Variants in SEZ6L observed in about 807,000 individuals in gnomAD.
SEZ6L encodes the protein seizure related 6 homolog like, also known as seizure 6-like protein.
In SEZ6L, 37 loss-of-function variants were observed where a neutral mutation model predicts 106.2. That is an observed-to-expected ratio of 0.35 (90% confidence interval 0.27 to 0.46). The LOEUF is 0.46. Among genes scored for constraint, SEZ6L ranks in the 20% least tolerant of loss-of-function variants. The pLI is 1.00. For synonymous variants in SEZ6L, 541 were observed against 570.4 expected (o/e 0.95, Z 0.73); for missense variants, 1,172 against 1,332.8 (o/e 0.88, Z 1.88).
intron 1 of SEZ6L, among the ~76,000 whole-genome samples, chr22:26,286,563 A>G (rs187729518): frequency 1.3e-5 from 2 of 152,190 alleles, no homozygotes; most frequent in Non-Finnish European, 2.9e-5. Context: ...ATAGAATTTT[A>G]TGTCTCATTC....
intron 1 of SEZ6L, among the ~76,000 whole-genome samples, chr22:26,271,677 C>T (rs994102437): frequency 6.6e-6 from 1 of 152,130 alleles, no homozygotes; most frequent in East Asian, 1.9e-4. Flanking sequence ...TGATTGCTCC[C>T]GCTTCATCTT....
At chr22:26,374,929 T>C (rs907453500) in intron 14 of SEZ6L, among the ~76,000 whole-genome samples, 2 of 151,964 alleles carry the variant, frequency 1.3e-5, no homozygotes, top group African/African-American at 4.8e-5. Flanking sequence ...ATATTTGGGG[T>C]GTCATTGGGG....
intron 1 of SEZ6L, among the ~76,000 whole-genome samples, chr22:26,177,600 G>A (rs1462622759): frequency 1.3e-5 from 2 of 152,172 alleles, no homozygotes; most frequent in Non-Finnish European, 2.9e-5. Context: ...GTATAGCAAA[G>A]TGAATAAAAA....
In SEZ6L at chr22:26,347,927, T is replaced by C. The variant is rs781305550; in HGVS notation, c.2407+14T>C. The C allele has an allele frequency of 6.5e-7, 1 of 1,549,020 alleles. No individual in the cohort carries two copies. Among genetic ancestry groups the C allele is most frequent in the Non-Finnish European group, 8.7e-7 (1 of 1,154,294 alleles). On this transcript the variant is annotated intron_variant, in intron 11 of 16. Transcript: ENST00000248933. The stretch of plus-strand genomic sequence containing the variant: ...TTTGTGAGAAAAGTAAGAGTGGTCT[T>C]GTTTCCTTCCTCTAGGTCCCTGGGT...
chr22:26,194,182 C>A (rs1940431733), intron 1 of SEZ6L, among the ~76,000 whole-genome samples: 2 of 152,194 alleles, frequency 1.3e-5, no homozygotes, highest in Non-Finnish European at 2.9e-5. Context: ...GGGCTGAAAG[C>A]AACCTTACAT....
chr22:26,313,504 C>T (rs2081904388), intron 8 of SEZ6L, among the ~76,000 whole-genome samples: 1 of 151,858 alleles, frequency 6.6e-6, no homozygotes, highest in African/African-American at 2.4e-5. Flanking sequence ...GCAATAGCAC[C>T]TCTTAGCCCA....
intron 1 of SEZ6L, among the ~76,000 whole-genome samples, chr22:26,193,530 A>G (rs1472642630): frequency 6.6e-6 from 1 of 152,140 alleles, no homozygotes; most frequent in African/African-American, 2.4e-5. Context: ...CTTTTTTACA[A>G]TTTGCTTTTT....
intron 1 of SEZ6L, among the ~76,000 whole-genome samples, chr22:26,234,975 A>G (rs1287384275): frequency 6.6e-6 from 1 of 152,208 alleles, no homozygotes; most frequent in Non-Finnish European, 1.5e-5. Flanking sequence ...GGAATTCAAT[A>G]AATGTTAGTG....
At chr22:26,357,690 G>A (rs567043000) in intron 12 of SEZ6L, among the ~76,000 whole-genome samples, 3 of 152,260 alleles carry the variant, frequency 2.0e-5, no homozygotes, top group African/African-American at 7.2e-5. Flanking sequence ...GTCTCCAGTT[G>A]ATCCTTGAAT....
chr22:26,292,503 G>T lies in SEZ6L; in HGVS notation c.192G>T (p.Glu64Asp), dbSNP rs999815088. The T allele has an allele frequency of 6.2e-7, 1 of 1,613,998 alleles. No individual in the cohort carries two copies. ...RGSPGKEHPE[E>D]RVVTAPPSSS... Reference sequence around the variant, plus strand: ...GTCCTGGCAAAGAGCACCCTGAAGAGAGAGTGGTAACAGCGCCCCCCAGTT... The same window carrying T: ...GTCCTGGCAAAGAGCACCCTGAAGATAGAGTGGTAACAGCGCCCCCCAGTT... Residue 64 changes from glutamate to aspartate, a missense_variant, in exon 2 of 17, where the codon GAG (glutamate) becomes GAT (aspartate). Transcript: ENST00000248933.
chr22:26,241,851 G>A (rs957997567), intron 1 of SEZ6L, among the ~76,000 whole-genome samples: 1 of 152,204 alleles, frequency 6.6e-6, no homozygotes, highest in Admixed American at 6.5e-5. Flanking sequence ...AATGGCACAT[G>A]AGTCTGGGCA....
At chr22:26,288,839 TCTCTCTCTC>T (rs2081017247) in intron 1 of SEZ6L, among the ~76,000 whole-genome samples, 1 of 152,188 alleles carries the variant, frequency 6.6e-6, no homozygotes, top group African/African-American at 2.4e-5. Context: ...CCAATCTTGC[TCTCTCTCTC>T]CTCTCTCTCA....
chr22:26,314,498 A>C (rs1366052369), intron 9 of SEZ6L, among the ~76,000 whole-genome samples: 1 of 152,230 alleles, frequency 6.6e-6, no homozygotes, highest in Non-Finnish European at 1.5e-5. Context: ...ACTAGACCAG[A>C]AGGTCCTCTC....
intron 1 of SEZ6L, among the ~76,000 whole-genome samples, chr22:26,273,907 G>T (rs539415882): frequency 6.6e-6 from 1 of 152,316 alleles, no homozygotes; most frequent in East Asian, 1.9e-4. Flanking sequence ...GGACTGAGAA[G>T]TCAGCAGGTG....
chr22:26,319,450 A>G (rs1352706694), intron 9 of SEZ6L, among the ~76,000 whole-genome samples: 1 of 152,158 alleles, frequency 6.6e-6, no homozygotes, highest in Non-Finnish European at 1.5e-5. Context: ...GCCCTATGGG[A>G]TCTAGCTCTG....
chr22:26,347,587 G>C (rs993144721), intron 10 of SEZ6L, 132 bp from the exon 11 acceptor site: 1 of 663,732 alleles, frequency 1.5e-6, no homozygotes, highest in Non-Finnish European at 2.4e-6. Flanking sequence ...TGCCAGTTAA[G>C]CGATTTTGGA....
chr22:26,320,852 G>C (rs2082134591), intron 9 of SEZ6L, among the ~76,000 whole-genome samples: 1 of 152,156 alleles, frequency 6.6e-6, no homozygotes, highest in Non-Finnish European at 1.5e-5. Flanking sequence ...GTGCGGGGGA[G>C]AGCACCCCCA....
At position 26,382,167 on chromosome 22, in the gene SEZ6L, C is replaced by T. The variant is rs1020359343; in HGVS notation, c.*1872C>T. 4 of 411,224 alleles carry T rather than the reference C, an allele frequency of 9.7e-6. No homozygotes were observed. Among genetic ancestry groups the T allele is most frequent in the Admixed American group, 5.3e-5 (2 of 37,548 alleles). 25.5% of individuals were successfully genotyped at this position (411,224 alleles called of 1,614,324 possible). On this transcript the variant is annotated 3_prime_UTR_variant, in exon 17 of 17. Transcript: ENST00000248933. ...TAGCTAAAGGCTGCTTTCCAGGACC[C>T]AAAGCCCCATTTAATGCAAGAACCA... is the stretch of plus-strand genomic sequence containing the variant.
At chr22:26,175,891 A>T (rs1003886015) in intron 1 of SEZ6L, among the ~76,000 whole-genome samples, 1 of 152,216 alleles carries the variant, frequency 6.6e-6, no homozygotes, top group Non-Finnish European at 1.5e-5. Context: ...CAGGGCTGGG[A>T]TGGGACAAGA....
Sources: allele counts gnomAD v4.1 joint callset (sites outside exome capture counted in the v4.1 genomes callset), GRCh38; gene constraint gnomAD v4.1.1; transcripts MANE v1.5; gene names NCBI Gene and HGNC (gene_info 2026-07-23, HGNC 2026-07-21).